MAPK10: variants seen among roughly 807,000 people sequenced by gnomAD.
MAPK10 encodes mitogen-activated protein kinase 10.
In MAPK10, 25 loss-of-function variants were observed where a neutral mutation model predicts 59.3. The observed-to-expected ratio is 0.42, with a 90% confidence interval of 0.31 to 0.59. The LOEUF is 0.59. Among genes scored for constraint, MAPK10 ranks in the 20% least tolerant of loss-of-function variants. MAPK10 has a pLI of 0.15. For synonymous variants in MAPK10, 190 were observed against 200.5 expected (o/e 0.95, Z 0.44); for missense variants, 351 against 568.9 (o/e 0.62, Z 3.90).
At chr4:86,045,455 A>T in intron 11 of MAPK10, among the ~76,000 whole-genome samples, 1 of 152,102 alleles carries the variant, frequency 6.6e-6, no homozygotes, top group Non-Finnish European at 1.5e-5. Context: ...CATGTCAATT[A>T]TTAGCTTCTA....
chr4:86,024,060 C>T (rs1274137338), intron 13 of MAPK10: 3 of 151,846 alleles, frequency 2.0e-5, no homozygotes, highest in Non-Finnish European at 4.4e-5. Flanking sequence ...TTGGTCTTCT[C>T]TTGAGATAGG....
At chr4:86,099,141 C>A (rs1319836219) in intron 8 of MAPK10, 1 of 152,264 alleles carries the variant, frequency 6.6e-6, no homozygotes, top group African/African-American at 2.4e-5. Context: ...GGTTTAGAGG[C>A]AAAAGAATTG....
intron 1 of MAPK10, among the ~76,000 whole-genome samples, chr4:86,404,182 A>C (rs1744073445): frequency 6.6e-6 from 1 of 152,128 alleles, no homozygotes; most frequent in Admixed American, 6.5e-5. Flanking sequence ...CAAAGTTCAG[A>C]GCCTAAACAA....
At chr4:86,411,617 C>G (rs542317653) in intron 1 of MAPK10, among the ~76,000 whole-genome samples, 8 of 152,322 alleles carry the variant, frequency 5.3e-5, no homozygotes, top group Non-Finnish European at 8.8e-5. Context: ...GGATAGTTAG[C>G]TCTTCTTGTT....
intron 1 of MAPK10, among the ~76,000 whole-genome samples, chr4:86,409,890 A>C (rs905889650): frequency 5.9e-5 from 9 of 152,102 alleles, no homozygotes; most frequent in Admixed American, 5.2e-4. Context: ...GAATACCTTT[A>C]ATTTCTTTCT....
At chr4:86,366,863 G>T (rs1433347870) in intron 1 of MAPK10, among the ~76,000 whole-genome samples, 1 of 152,104 alleles carries the variant, frequency 6.6e-6, no homozygotes, top group Non-Finnish European at 1.5e-5. Context: ...CTGGAGTAGG[G>T]TGACCAATTG....
chr4:86,417,511 G>A (rs2149031110), intron 1 of MAPK10, among the ~76,000 whole-genome samples: 1 of 152,158 alleles, frequency 6.6e-6, no homozygotes, highest in Non-Finnish European at 1.5e-5. Context: ...CATGTTAAAA[G>A]CTATAGTCCA....
chr4:86,405,157 T>C (rs1336897024), intron 1 of MAPK10, among the ~76,000 whole-genome samples: 1 of 152,182 alleles, frequency 6.6e-6, no homozygotes, highest in Non-Finnish European at 1.5e-5. Context: ...CTCTAGGCCT[T>C]TCTTATTTGA....
intron 2 of MAPK10, among the ~76,000 whole-genome samples, chr4:86,251,954 T>G (rs1279458674): frequency 8.2e-6 from 1 of 122,546 alleles, no homozygotes; most frequent in African/African-American, 4.8e-5. Flanking sequence ...TCATGTGTTT[T>G]TTGGCTGCAT....
Position 86,289,691 on chromosome 4 carries a change from T to C in MAPK10, c.-7+64839A>G, listed in dbSNP as rs573510431. 2.0e-5 allele frequency among the ~76,000 whole-genome samples: 3 copies of C among 151,162 alleles called. No individual in the cohort carries two copies. The South Asian group carries it at 6.2e-4, about 31-fold the overall frequency. On this transcript the variant is annotated intron_variant, in intron 2 of 13. Transcript: ENST00000641462. ...TTATAATTATAATATATAATAGTGC[T>C]ATATCTATTATATCTATTGGTCTTT...
intron 1 of MAPK10, among the ~76,000 whole-genome samples, chr4:86,550,619 C>G (rs563370437): frequency 1.3e-5 from 2 of 152,240 alleles, no homozygotes; most frequent in East Asian, 3.9e-4. Context: ...AGGAGAATCA[C>G]TTGAACCTGG....
At chr4:86,483,102 G>T (rs140660548) in intron 1 of MAPK10, among the ~76,000 whole-genome samples, 1 of 152,050 alleles carries the variant, frequency 6.6e-6, no homozygotes, top group Non-Finnish European at 1.5e-5. Flanking sequence ...CTCTTCTACC[G>T]TCTCCCCAGC....
intron 1 of MAPK10, among the ~76,000 whole-genome samples, chr4:86,576,497 G>T (rs574791899): frequency 6.6e-6 from 1 of 152,112 alleles, no homozygotes; most frequent in African/African-American, 2.4e-5. Flanking sequence ...ATAGTAGGCC[G>T]GGCGCGGTGG....
intron 3 of MAPK10, among the ~76,000 whole-genome samples, chr4:86,173,601 A>T (rs2074934011): frequency 6.6e-6 from 1 of 152,256 alleles, no homozygotes; most frequent in Admixed American, 6.5e-5. Flanking sequence ...CACCAAAAGC[A>T]ATTGCAACAA....
chr4:86,140,872 A>C (rs2063498760), intron 4 of MAPK10, among the ~76,000 whole-genome samples: 1 of 152,156 alleles, frequency 6.6e-6, no homozygotes, highest in South Asian at 2.1e-4. Context: ...TTCTTACTAG[A>C]TGCACAATAA....
intron 2 of MAPK10, among the ~76,000 whole-genome samples, chr4:86,293,166 T>C (rs2095272480): frequency 6.6e-6 from 1 of 152,214 alleles, no homozygotes; most frequent in Non-Finnish European, 1.5e-5. Flanking sequence ...GATGTATTTG[T>C]ATAAAAAAAT....
chr4:86,062,418 A>G (rs2045922747), intron 11 of MAPK10, among the ~76,000 whole-genome samples: 1 of 152,138 alleles, frequency 6.6e-6, no homozygotes, highest in South Asian at 2.1e-4. Context: ...TTTTTCATAA[A>G]AAGTTAAAAT....
chr4:86,547,746 T>G (rs1476079475), intron 1 of MAPK10, among the ~76,000 whole-genome samples: 1 of 152,172 alleles, frequency 6.6e-6, no homozygotes, highest in Non-Finnish European at 1.5e-5. Context: ...TATATCTAGC[T>G]AAGGGATTGT....
At chr4:86,107,605 G>A in intron 4 of MAPK10, 1 of 1,095,026 alleles carries the variant, frequency 9.1e-7, no homozygotes, top group Non-Finnish European at 1.1e-6. Flanking sequence ...AGGAGTAGAA[G>A]AGGGCAAAGG....
Sources: gnomAD v4.1 joint callset for allele counts (sites outside exome capture counted in the v4.1 genomes callset) on GRCh38, gnomAD v4.1.1 for gene constraint, MANE v1.5 for transcripts, NCBI Gene and HGNC (gene_info 2026-07-23, HGNC 2026-07-21) for gene names.